RGS12: variants seen among roughly 807,000 people sequenced by gnomAD.
The protein encoded by RGS12 is regulator of G protein signaling 12.
Under a neutral mutation model 120.1 loss-of-function variants are expected in RGS12, and 66 were observed. The ratio of observed to expected loss-of-function variants is 0.55; its 90% CI spans 0.45 to 0.67. RGS12 has a LOEUF of 0.67. Among genes scored for constraint, RGS12 ranks in the 30% least tolerant of loss-of-function variants. The pLI, the probability that RGS12 is intolerant of heterozygous loss-of-function variation, is 0.00. For missense variants in RGS12, 1,859 were observed against 1,957.7 expected (o/e 0.95, Z 0.95); for synonymous variants, 827 against 804.7 (o/e 1.03, Z -0.47).
At chr4:3,416,508 C>T (rs1200088762) in intron 7 of RGS12, among the ~76,000 whole-genome samples, 1 of 152,212 alleles carries the variant, frequency 6.6e-6, no homozygotes, top group Non-Finnish European at 1.5e-5. Flanking sequence ...TCGAGACGTG[C>T]CTGTGCATGT....
chr4:3,368,621 G>T (rs1465189254), intron 3 of RGS12, among the ~76,000 whole-genome samples: 1 of 123,556 alleles, frequency 8.1e-6, no homozygotes, highest in African/African-American at 3.1e-5. Flanking sequence ...TGTGTGTGGG[G>T]GGGTACATGT....
chr4:3,355,218 T>C (rs1714754659), intron 3 of RGS12, among the ~76,000 whole-genome samples: 1 of 152,186 alleles, frequency 6.6e-6, no homozygotes, highest in Admixed American at 6.5e-5. Flanking sequence ...GGAAAGGCAT[T>C]TGGTGAAATT....
chr4:3,316,838 C>T lies in RGS12; in HGVS notation c.668C>T (p.Ala223Val). 4.3e-6 allele frequency: 7 copies of T among 1,614,210 alleles called. No homozygotes were observed. Among genetic ancestry groups the T allele is most frequent in the Non-Finnish European group, 5.9e-6 (7 of 1,180,010 alleles). The part of the protein sequence containing the change: ...LESHDDFALD[A>V]SILNVAMIVG... ...AGTCATGACGATTTTGCATTGGATG[C>T]AAGTATTTTAAACGTGGCGATGATC... Residue 223 changes from alanine (A) to valine (V), a missense_variant, in exon 2 of 18, where the codon GCA becomes GTA. By Grantham distance (64) the Ala-to-Val change is moderately conservative. Around this residue, in one of 3 missense-constraint regions of RGS12, gnomAD observed 967 missense variants for 994.2 expected, o/e 0.97. Transcript: ENST00000336727.
chr4:3,328,169 A>G (rs1177562500), intron 2 of RGS12, among the ~76,000 whole-genome samples: 1 of 152,246 alleles, frequency 6.6e-6, no homozygotes, highest in East Asian at 1.9e-4. Context: ...GTTCACATTT[A>G]TAAGCGGGAG....
At chr4:3,338,757 G>GT (rs1228907132) in intron 2 of RGS12, among the ~76,000 whole-genome samples, 1 of 152,218 alleles carries the variant, frequency 6.6e-6, no homozygotes. Flanking sequence ...TCAGACAGTC[G>GT]TGAGGAGTCT....
intron 4 of RGS12, among the ~76,000 whole-genome samples, chr4:3,387,377 G>A (rs1718968211): frequency 6.6e-6 from 1 of 152,230 alleles, no homozygotes; most frequent in African/African-American, 2.4e-5. Context: ...GCTGTCCCCA[G>A]GTAGGCAGAC....
At chr4:3,429,667 A>T (rs1724034115) in intron 16 of RGS12, among the ~76,000 whole-genome samples, 1 of 152,192 alleles carries the variant, frequency 6.6e-6, no homozygotes, top group East Asian at 1.9e-4. Flanking sequence ...CCCAGGTAAG[A>T]AAAGGAGAGT....
chr4:3,340,904 T>C (rs1309341093), intron 2 of RGS12, among the ~76,000 whole-genome samples: 1 of 152,122 alleles, frequency 6.6e-6, no homozygotes, highest in Non-Finnish European at 1.5e-5. Context: ...CGCCTCAGCT[T>C]GGAGTGTGCT....
Position 3,428,578 on chromosome 4 carries a change from C to T in RGS12, c.3432C>T (p.Gly1144=). 6.3e-7 allele frequency: 1 copy of T among 1,592,286 alleles called. No individual in the cohort carries two copies. Among genetic ancestry groups the T allele is most frequent in the Non-Finnish European group, 8.5e-7 (1 of 1,173,900 alleles). ...TGCAGGGAGAGGAAAGAACACTAGGCAAGTCTAATTCTATTAAAATAAAAG... is the reference window on the plus strand; with the variant it reads ...TGCAGGGAGAGGAAAGAACACTAGGTAAGTCTAATTCTATTAAAATAAAAG... ...HSATGEERTL[G]KSNSIKIKGE... The change falls in exon 16 of 18, where the codon GGC becomes GGT. Residue 1144 remains glycine, a synonymous_variant. Coordinates refer to ENST00000336727, the MANE Select transcript of RGS12 (RefSeq NM_001394154.1).
At chr4:3,349,847 T>A (rs899494283) in intron 3 of RGS12, among the ~76,000 whole-genome samples, 2 of 152,220 alleles carry the variant, frequency 1.3e-5, no homozygotes, top group African/African-American at 4.8e-5. Context: ...TGTTCAGCAA[T>A]GTATGTTTTA....
chr4:3,380,706 C>T (rs529716226), intron 3 of RGS12, among the ~76,000 whole-genome samples: 175 of 152,308 alleles, frequency 1.1e-3, no homozygotes, highest in African/African-American at 3.8e-3. Flanking sequence ...CCCTTTTATC[C>T]ATGGCTGGAG....
intron 1 of RGS12, among the ~76,000 whole-genome samples, chr4:3,309,372 CCG>C: frequency 7.3e-6 from 1 of 137,320 alleles, no homozygotes; most frequent in East Asian, 2.1e-4. Context: ...CTGAGGGGAA[CCG>C]TGCAGGGGAG....
rs1723291052 is a variant in RGS12, at chr4:3,423,730, A to G, written c.3234+89A>G. On this transcript the variant is annotated intron_variant, in intron 13 of 17. Coordinates refer to ENST00000336727, the MANE Select transcript of RGS12 (RefSeq NM_001394154.1). ...CTGTGTTGTTCACTGAAGAGGGCAC[A>G]CCAAGAAGCGGTGTCTTCCCCTGAT... 14 of 1,488,876 alleles carry G rather than the reference A, an allele frequency of 9.4e-6. No homozygotes were observed. In the South Asian group the frequency reaches 1.0e-4, roughly 11 times the overall value. 92.2% of individuals were successfully genotyped at this position (1,488,876 alleles called of 1,614,324 possible).
chr4:3,367,204 C>T (rs1284120888), intron 3 of RGS12, among the ~76,000 whole-genome samples: 3 of 152,406 alleles, frequency 2.0e-5, no homozygotes, highest in East Asian at 3.9e-4. Context: ...CCACAGCTGC[C>T]TCCAGGCTCA....
At chr4:3,368,852 T>C (rs1716666183) in intron 3 of RGS12, among the ~76,000 whole-genome samples, 1 of 151,968 alleles carries the variant, frequency 6.6e-6, no homozygotes, top group Non-Finnish European at 1.5e-5. Context: ...AATGGTGATG[T>C]GGTCTGGTCT....
chr4:3,375,668 C>T (rs1717604201), intron 3 of RGS12, among the ~76,000 whole-genome samples: 1 of 110,290 alleles, frequency 9.1e-6, no homozygotes, highest in Non-Finnish European at 1.9e-5. Flanking sequence ...CTCCAGCCCT[C>T]ATCTCCAGCC....
At chr4:3,424,881 G>C (rs1328409686) in intron 13 of RGS12, among the ~76,000 whole-genome samples, 1 of 152,234 alleles carries the variant, frequency 6.6e-6, no homozygotes, top group Non-Finnish European at 1.5e-5. Context: ...CCCTTCAGGA[G>C]CTTAGAGCCT....
At chr4:3,402,886 A>T (rs1319276970) in intron 4 of RGS12, among the ~76,000 whole-genome samples, 1 of 152,216 alleles carries the variant, frequency 6.6e-6, no homozygotes, top group Admixed American at 6.5e-5. Flanking sequence ...GTTAGGGTTG[A>T]TCTTTGAAAA....
chr4:3,417,190 C>A (rs890921246), intron 8 of RGS12, 98 bp downstream of exon 8: 7 of 1,376,684 alleles, frequency 5.1e-6, no homozygotes, highest in Non-Finnish European at 6.8e-6. Flanking sequence ...TCGGCGTCTT[C>A]ACCAGTGGTG....
Sources: gnomAD v4.1 joint callset for allele counts (sites outside exome capture counted in the v4.1 genomes callset) on GRCh38, gnomAD v4.1.1 for gene constraint, gnomAD v4.1.1 regional missense constraint, MANE v1.5 for transcripts, NCBI Gene and HGNC (gene_info 2026-07-23, HGNC 2026-07-21) for gene names.